The following IMPA2 variants were observed in gnomAD, a reference collection of about 807,000 sequenced individuals.
IMPA2 encodes the protein inositol monophosphatase 2.
In IMPA2, 32 loss-of-function variants were observed where a neutral mutation model predicts 35.1. The observed-to-expected ratio is 0.91, with a 90% CI of 0.69 to 1.23. The LOEUF (loss-of-function observed/expected upper bound fraction) is 1.23. IMPA2 is among the 50% of genes most tolerant of loss of function. The pLI is 0.00. For missense variants in IMPA2, 334 were observed against 387.6 expected (o/e 0.86, Z 1.16); for synonymous variants, 135 against 160.6 (o/e 0.84, Z 1.20).
intron 1 of IMPA2, among the ~76,000 whole-genome samples, chr18:11,998,835 T>C (rs1907029604): frequency 6.8e-6 from 1 of 146,206 alleles, no homozygotes. Flanking sequence ...TAAGGCTCAC[T>C]AGAAACCCAG....
chr18:12,018,489 T>C (rs1014940817), intron 5 of IMPA2, among the ~76,000 whole-genome samples: 2 of 152,210 alleles, frequency 1.3e-5, no homozygotes, highest in Non-Finnish European at 2.9e-5. Flanking sequence ...GCTTCTCCAG[T>C]CATTCTGGTT....
intron 5 of IMPA2, among the ~76,000 whole-genome samples, chr18:12,023,827 G>A (rs1480644506): frequency 6.6e-6 from 1 of 152,204 alleles, no homozygotes. Flanking sequence ...CCTCCAGGGT[G>A]AGCCTGCCTG....
intron 1 of IMPA2, chr18:11,994,365 G>T (rs909477528): frequency 1.3e-5 from 2 of 152,232 alleles, no homozygotes; most frequent in African/African-American, 2.4e-5. Flanking sequence ...AACAGAGAGA[G>T]ACCCTGTCTC....
At chr18:12,018,625 A>G (rs1907646045) in intron 5 of IMPA2, among the ~76,000 whole-genome samples, 1 of 152,250 alleles carries the variant, frequency 6.6e-6, no homozygotes, top group Non-Finnish European at 1.5e-5. Flanking sequence ...AAGATTAAAA[A>G]TTCATTACAT....
rs894928157 is a variant in IMPA2 at position 12,009,552 on chromosome 18, A to G, written c.231-331A>G. Among the ~76,000 whole-genome samples, 19 of 152,174 alleles carry G rather than the reference A, an allele frequency of 1.2e-4. 1 individual carries two copies. Among genetic ancestry groups the G allele is most frequent in the African/African-American group, 4.3e-4 (18 of 41,516 alleles). ...CTCCTCCCCTACAGACTGAAGTTAA[A>G]ATCGAGTTTAGTTTTGCTTCAGAAG... On this transcript the variant is annotated intron_variant, in intron 2 of 7. Transcript: ENST00000269159.
chr18:11,985,743 G>T (rs1906647963), intron 1 of IMPA2, among the ~76,000 whole-genome samples: 1 of 152,196 alleles, frequency 6.6e-6, no homozygotes, highest in Non-Finnish European at 1.5e-5. Context: ...GGACAGGGGA[G>T]TATGCCTGGA....
In IMPA2 at chr18:12,028,078, C is replaced by T; in HGVS notation, c.526C>T (p.Pro176Ser). The T allele has an allele frequency of 6.2e-7, 1 of 1,613,870 alleles. No individual in the cohort carries two copies. Among genetic ancestry groups the T allele is most frequent in the South Asian group, 1.1e-5 (1 of 91,064 alleles). ...GGCCTTGGTTCTGACAGAAATTGGCCCCAAACGTGACCCTGCGACCCTGAA... is the reference window on the plus strand; with the variant it reads ...GGCCTTGGTTCTGACAGAAATTGGCTCCAAACGTGACCCTGCGACCCTGAA... ...SKALVLTEIGPKRDPATLKLF... is the reference protein window; with the variant it reads ...SKALVLTEIGSKRDPATLKLF... Residue 176 changes from proline to serine, a missense_variant, in exon 6 of 8, where the codon CCC (proline) becomes TCC (serine). Transcript: ENST00000269159.
chr18:12,008,285 C>T (rs564572511), intron 2 of IMPA2: 6 of 505,348 alleles, frequency 1.2e-5, no homozygotes, highest in African/African-American at 5.8e-5. Flanking sequence ...CGTGAGCCAC[C>T]GCGCCTTGCT....
intron 7 of IMPA2, among the ~76,000 whole-genome samples, chr18:12,029,207 C>T (rs975005783): frequency 2.0e-5 from 3 of 146,780 alleles, no homozygotes; most frequent in Admixed American, 6.9e-5. Context: ...ATCCTACTCA[C>T]GGGTTCAAGC....
At chr18:12,022,903 T>C (rs1418279304) in intron 5 of IMPA2, among the ~76,000 whole-genome samples, 2 of 150,104 alleles carry the variant, frequency 1.3e-5, no homozygotes, top group African/African-American at 4.9e-5. Flanking sequence ...GCCTCTCCAG[T>C]AGCTGGGATT....
chr18:11,986,915 C>T (rs1205748800), intron 1 of IMPA2, among the ~76,000 whole-genome samples: 1 of 152,246 alleles, frequency 6.6e-6, no homozygotes, highest in East Asian at 1.9e-4. Flanking sequence ...ACTCATGGTT[C>T]AGCCCGGCAG....
At chr18:12,025,964 A>C (rs1252132933) in intron 5 of IMPA2, among the ~76,000 whole-genome samples, 1 of 151,692 alleles carries the variant, frequency 6.6e-6, no homozygotes, top group African/African-American at 2.4e-5. Flanking sequence ...TTGTGAGTCC[A>C]ATTTCTATTT....
Position 12,006,016 on chromosome 18 carries a change from C to A in IMPA2, c.231-3867C>A, listed in dbSNP as rs534017462. On this transcript the variant is annotated intron_variant, in intron 2 of 7. Transcript: ENST00000269159. The stretch of plus-strand genomic sequence containing the variant: ...CCAGTTTAAGCTTTCGTAGTTGCTC[C>A]TTGTATGTGTGTTTTCAGGGTGTGG... Among the ~76,000 whole-genome samples the A allele has an allele frequency of 2.0e-5, 3 of 152,264 alleles. No homozygotes were observed. The South Asian group carries it at 6.2e-4, about 32-fold the overall frequency.
At chr18:12,013,754 A>C (rs1907497982) in intron 4 of IMPA2, among the ~76,000 whole-genome samples, 1 of 152,112 alleles carries the variant, frequency 6.6e-6, no homozygotes, top group Admixed American at 6.5e-5. Context: ...TGTTCAGCGC[A>C]CTGCCTGCTC....
intron 5 of IMPA2, among the ~76,000 whole-genome samples, chr18:12,018,933 C>T (rs1290684367): frequency 2.0e-5 from 3 of 151,944 alleles, no homozygotes; most frequent in Admixed American, 1.3e-4. Flanking sequence ...GAATGATCCT[C>T]CCACCTCAGC....
intron 5 of IMPA2, chr18:12,017,690 G>A (rs2143814994): frequency 2.6e-6 from 1 of 392,130 alleles, no homozygotes; most frequent in Non-Finnish European, 5.0e-6. Context: ...CTAGGTTCAA[G>A]CAATTCTCCT....
intron 4 of IMPA2, chr18:12,012,416 G>C (rs756720028): frequency 1.7e-6 from 1 of 586,536 alleles, no homozygotes; most frequent in African/African-American, 1.9e-5. Flanking sequence ...GTGGGGCTCC[G>C]TGGCTGGCCC....
chr18:11,993,719 TA>T (rs1298988008), intron 1 of IMPA2, among the ~76,000 whole-genome samples: 5 of 151,464 alleles, frequency 3.3e-5, no homozygotes, highest in African/African-American at 1.2e-4. Flanking sequence ...TGTGCTGGAG[TA>T]GATGGAGGCT....
intron 5 of IMPA2, among the ~76,000 whole-genome samples, chr18:12,026,829 G>C (rs1907893108): frequency 6.6e-6 from 1 of 152,232 alleles, no homozygotes; most frequent in Admixed American, 6.5e-5. Context: ...CCAGTCCCAG[G>C]GCAGGAGTGC....
Sources: gnomAD v4.1 joint callset for allele counts (sites outside exome capture counted in the v4.1 genomes callset) on GRCh38, gnomAD v4.1.1 for gene constraint, MANE v1.5 for transcripts, NCBI Gene and HGNC (gene_info 2026-07-23, HGNC 2026-07-21) for gene names.